Variants in BRD1 observed in about 807,000 individuals in gnomAD.
BRD1 encodes bromodomain-containing protein 1.
In BRD1, 24 loss-of-function variants were observed where a neutral mutation model predicts 107.7. That is an observed-to-expected ratio of 0.22 (90% CI 0.16 to 0.31). BRD1 has a LOEUF of 0.31. BRD1 is among the 10% of genes least tolerant of loss of function. The probability of loss-of-function intolerance (pLI) is 1.00; values close to 1 mark genes in which losing one functional copy is unlikely to be tolerated. For missense variants in BRD1, 1,279 were observed against 1,638.6 expected (o/e 0.78, Z 3.79); for synonymous variants, 744 against 686.1 (o/e 1.08, Z -1.32).
chr22:49,780,638 C>A (rs1440600199), intron 8 of BRD1, among the ~76,000 whole-genome samples: 1 of 152,230 alleles, frequency 6.6e-6, no homozygotes, highest in Non-Finnish European at 1.5e-5. Context: ...TGCAAGGTGG[C>A]CTGCGCTGCC....
At chr22:49,818,447 G>C (rs2059999429) in intron 2 of BRD1, 4 of 1,006,268 alleles carry the variant, frequency 4.0e-6, no homozygotes, top group African/African-American at 1.7e-5. Context: ...TAACCAAAAA[G>C]AGTTATCAGG....
Position 49,804,316 on chromosome 22 carries a change from T to C in BRD1, c.1412A>G (p.Gln471Arg), listed in dbSNP as rs2059700267. ...ANQVAIQRKK[Q>R]FVERAHSYWL... The stretch of plus-strand genomic sequence containing the variant: ...GTAGCTGTGGGCTCGCTCCACAAAC[T>C]GCTTCTTCCGCTGAATGGCCACCTG... The change falls in exon 3 of 13, where the codon CAG becomes CGG. Residue 471 changes from glutamine (Q) to arginine (R), a missense_variant. Gln to Arg is a conservative substitution (Grantham distance 43). Around this residue, in one of 7 missense-constraint regions of BRD1, gnomAD observed 87 missense variants for 77.1 expected, o/e 1.13. Transcript: ENST00000404760. 1.9e-6 allele frequency: 3 copies of C among 1,609,972 alleles called. No homozygotes were observed. Among genetic ancestry groups the C allele is most frequent in the African/African-American group, 2.7e-5 (2 of 75,044 alleles).
intron 10 of BRD1, 24 bp downstream of exon 10, chr22:49,777,010 T>G: frequency 3.1e-6 from 5 of 1,612,654 alleles, no homozygotes; most frequent in Non-Finnish European, 4.2e-6. Flanking sequence ...TGGAGAGCCA[T>G]GGAGGCAGGT....
chr22:49,799,112 T>G lies in BRD1; in HGVS notation c.1532A>C (p.Asn511Thr), dbSNP rs761754152. The G allele has an allele frequency of 6.2e-7, 1 of 1,607,080 alleles. No homozygotes were observed. Among genetic ancestry groups the G allele is most frequent in the Admixed American group, 1.7e-5 (1 of 59,954 alleles). ...QSQRSSQQRENDEEMKAAKEK... is the reference protein window; with the variant it reads ...QSQRSSQQRETDEEMKAAKEK... ...TTTGGCAGCCTTCATCTCCTCATCA[T>G]TTTCTCTCTGAGAACAGTGAACACT... is the stretch of plus-strand genomic sequence containing the variant. Residue 511 changes from asparagine (N) to threonine (T), a missense_variant, in exon 4 of 13, where the codon AAT becomes ACT. Transcript: ENST00000404760.
rs1277332541 is a variant in BRD1, at chr22:49,803,255, ACC to A, written c.1524+947_1524+948del. 1.3e-5 allele frequency among the ~76,000 whole-genome samples: 2 copies of A among 151,398 alleles called. No homozygotes were observed. Among genetic ancestry groups the A allele is most frequent in the Non-Finnish European group, 2.9e-5 (2 of 68,018 alleles). On this transcript the variant is annotated intron_variant, in intron 3 of 12. Coordinates refer to ENST00000404760, the MANE Select transcript of BRD1 (RefSeq NM_001304808.3). This position sits in a 1 kb window ranked among gnomAD's most constrained non-coding sequence, Gnocchi z 4.4. Reference sequence around the variant, plus strand: ...CCGGCCACCGCACCACCGCACGGGGACCCAACCGTGAACCCTGTAGACTCAAG... The same window carrying A: ...CCGGCCACCGCACCACCGCACGGGGACAACCGTGAACCCTGTAGACTCAAG...
At chr22:49,791,522 GGA>G (rs1218593368) in intron 7 of BRD1, among the ~76,000 whole-genome samples, 1 of 152,202 alleles carries the variant, frequency 6.6e-6, no homozygotes, top group East Asian at 1.9e-4. Flanking sequence ...GAAAAATGAT[GGA>G]GAGGCTTTAC....
At chr22:49,810,175 C>T (rs545848784) in intron 2 of BRD1, among the ~76,000 whole-genome samples, 2 of 152,220 alleles carry the variant, frequency 1.3e-5, no homozygotes, top group South Asian at 4.2e-4. Context: ...AGCAAGCAAG[C>T]CCCACATGCT....
chr22:49,810,770 T>C (rs972700231), intron 2 of BRD1, among the ~76,000 whole-genome samples: 1 of 152,152 alleles, frequency 6.6e-6, no homozygotes, highest in Non-Finnish European at 1.5e-5. Context: ...CCCTGCACCA[T>C]GGAATGGGTA....
rs1356474159 is a variant in BRD1 at position 49,783,303 on chromosome 22, G to C, written c.2857+4087C>G. Among the ~76,000 whole-genome samples, 3 of 152,276 alleles carry C rather than the reference G, an allele frequency of 2.0e-5. No individual in the cohort carries two copies. The highest frequency in any genetic ancestry group is 4.4e-5 in the Non-Finnish European group (3 of 68,048). ...CCAGCAAGAGACAAACAGCAGCACT[G>C]CTCAAGAATCCACTGGGCATTGTGG... On this transcript the variant is annotated intron_variant, in intron 8 of 12. Coordinates refer to ENST00000404760, the MANE Select transcript of BRD1 (RefSeq NM_001304808.3). The surrounding 1 kb of genome is among the most constrained non-coding windows in gnomAD (Gnocchi z 4.2).
chr22:49,795,665 C>T (rs555349737), intron 6 of BRD1, among the ~76,000 whole-genome samples: 8 of 152,232 alleles, frequency 5.3e-5, no homozygotes, highest in Non-Finnish European at 1.2e-4. Context: ...GAAGGGCAGG[C>T]AACCAGCGTA....
rs1304977390 is a variant in BRD1 at position 49,783,915 on chromosome 22, G to A, written c.2857+3475C>T. 1.3e-5 allele frequency among the ~76,000 whole-genome samples: 2 copies of A among 152,194 alleles called. No homozygotes were observed. The highest frequency in any genetic ancestry group is 4.1e-4 in the South Asian group (2 of 4,832). Reference sequence around the variant, plus strand: ...TAGCAGAACTCCAGTCCAAGTTGAGGTAAGAGAAAATGATTAGGGTCCAAA... The same window carrying A: ...TAGCAGAACTCCAGTCCAAGTTGAGATAAGAGAAAATGATTAGGGTCCAAA... On this transcript the variant is annotated intron_variant, in intron 8 of 12. Transcript: ENST00000404760. The surrounding 1 kb of genome is among the most constrained non-coding windows in gnomAD (Gnocchi z 4.2).
intron 8 of BRD1, among the ~76,000 whole-genome samples, chr22:49,779,108 C>G (rs553682999): frequency 1.3e-5 from 2 of 152,288 alleles, no homozygotes; most frequent in African/African-American, 4.8e-5. Flanking sequence ...ATGTCTCACT[C>G]TGTCACCAAG....
chr22:49,820,137 AG>A (rs1002828257), intron 2 of BRD1, among the ~76,000 whole-genome samples: 1 of 152,064 alleles, frequency 6.6e-6, no homozygotes, highest in South Asian at 2.1e-4. Flanking sequence ...CTCAAAAAAA[AG>A]GGGGGAAAAA....
At position 49,774,426 on chromosome 22, in the gene BRD1, A is replaced by T; in HGVS notation, c.3387-10T>A. 9.4e-6 allele frequency: 15 copies of T among 1,595,956 alleles called. No homozygotes were observed. The highest frequency in any genetic ancestry group is 1.3e-5 in the Non-Finnish European group (15 of 1,167,448). ...CTTAGGAAGCCACTGCCTTTTTAAA[A>T]GGAAAAACAAGCGGAAAATCATTGC... On this transcript the variant is annotated splice_polypyrimidine_tract_variant and intron_variant, in intron 12 of 12. Transcript: ENST00000404760.
At chr22:49,785,310 C>T (rs1456421761) in intron 8 of BRD1, among the ~76,000 whole-genome samples, 1 of 152,258 alleles carries the variant, frequency 6.6e-6, no homozygotes, top group Non-Finnish European at 1.5e-5. Flanking sequence ...CGGGAGGCCG[C>T]CTCAAACCCC....
chr22:49,784,051 C>T (rs554442877), intron 8 of BRD1, among the ~76,000 whole-genome samples: 2 of 152,164 alleles, frequency 1.3e-5, no homozygotes, highest in Non-Finnish European at 2.9e-5. Flanking sequence ...CCTGAACAGC[C>T]GAAGGACACT....
intron 7 of BRD1, among the ~76,000 whole-genome samples, chr22:49,793,726 A>T (rs17001304): frequency 0.085 from 12,979 of 152,320 alleles, 671 homozygotes; most frequent in South Asian, 0.17. Flanking sequence ...TGTAAGATCT[A>T]AACCATTCTT....
At chr22:49,808,381 A>G (rs1276551023) in intron 2 of BRD1, among the ~76,000 whole-genome samples, 2 of 152,270 alleles carry the variant, frequency 1.3e-5, no homozygotes, top group African/African-American at 4.8e-5. Context: ...AATGACATGG[A>G]AAAGCCTTGA....
chr22:49,787,299 AC>A (rs138839), intron 8 of BRD1, 90 bp downstream of exon 8: 179,837 of 537,740 alleles, frequency 0.33, 42,321 homozygotes, highest in Middle Eastern at 0.45. Flanking sequence ...GAAGCTGGAC[AC>A]CCCCCCCCCC....
Sources: gnomAD v4.1 joint callset for allele counts (sites outside exome capture counted in the v4.1 genomes callset) on GRCh38, gnomAD v4.1.1 for gene constraint, gnomAD v4.1.1 regional missense constraint, Gnocchi (gnomAD v3.1) non-coding constraint, MANE v1.5 for transcripts, NCBI Gene and HGNC (gene_info 2026-07-23, HGNC 2026-07-21) for gene names.